The following SV2C variants were observed in gnomAD, a reference collection of about 807,000 sequenced individuals.
SV2C encodes solute carrier family 22 member B3.
SV2C carries 49 observed loss-of-function variants against 79.7 expected under a neutral mutation model. The observed-to-expected ratio is 0.61, with a 90% confidence interval of 0.49 to 0.78. The LOEUF is 0.78. Among genes scored for constraint, SV2C ranks in the 30% least tolerant of loss-of-function variants. The pLI, the probability that SV2C is intolerant of heterozygous loss-of-function variation, is 0.00. For missense variants in SV2C, 833 were observed against 912.9 expected (o/e 0.91, Z 1.13); for synonymous variants, 334 against 333.2 (o/e 1.00, Z -0.03).
chr5:76,063,784 CCA>C, the SV2C span, among the ~76,000 whole-genome samples: 2 of 152,114 alleles, frequency 1.3e-5, no homozygotes, highest in Non-Finnish European at 2.9e-5. Context: ...TAATTCAACA[CCA>C]CAGTTTTATA....
At chr5:76,335,917 G>A (rs1209339507), downstream of SV2C, among the ~76,000 whole-genome samples, 4 of 152,202 alleles carry the variant, frequency 2.6e-5, no homozygotes, top group African/African-American at 9.6e-5. Flanking sequence ...ATCATGGCCC[G>A]TTCTCAATGA....
the SV2C span, among the ~76,000 whole-genome samples, chr5:75,871,327 G>A: frequency 2.0e-5 from 3 of 152,168 alleles, no homozygotes; most frequent in South Asian, 2.1e-4. Flanking sequence ...AGAACAAGAC[G>A]TATAACCACT....
intron 2 of SV2C, among the ~76,000 whole-genome samples, chr5:76,180,212 C>G (rs750632372): frequency 3.9e-5 from 6 of 152,124 alleles, no homozygotes; most frequent in African/African-American, 9.7e-5. Context: ...TTGTTCTGTT[C>G]CTCTAAAATA....
At chr5:76,042,062 G>C in the SV2C span, among the ~76,000 whole-genome samples, 1 of 152,166 alleles carries the variant, frequency 6.6e-6, no homozygotes, top group Admixed American at 6.5e-5. Context: ...CGCCATTCAG[G>C]ACAGCCCTTG....
At chr5:76,188,132 G>A (rs528176428) in intron 2 of SV2C, among the ~76,000 whole-genome samples, 22 of 152,094 alleles carry the variant, frequency 1.4e-4, no homozygotes, top group South Asian at 8.3e-4. Flanking sequence ...ATGGTGGCAC[G>A]CACCTGTAGT....
the SV2C span, among the ~76,000 whole-genome samples, chr5:76,052,650 C>T: frequency 1.3e-5 from 2 of 152,202 alleles, no homozygotes; most frequent in Non-Finnish European, 2.9e-5. Flanking sequence ...GTGCCCAACA[C>T]ATCATGCTGC....
the SV2C span, among the ~76,000 whole-genome samples, chr5:75,878,232 T>A: frequency 2.0e-5 from 3 of 152,150 alleles, no homozygotes; most frequent in South Asian, 4.1e-4. Flanking sequence ...TTTCGTAGAG[T>A]GTTTCTTATG....
intron 12 of SV2C, among the ~76,000 whole-genome samples, chr5:76,320,637 T>C (rs934785123): frequency 4.6e-5 from 7 of 152,134 alleles, no homozygotes; most frequent in Non-Finnish European, 1.0e-4. Context: ...GGCATATCCA[T>C]GGAGGTGGGG....
chr5:76,262,604 G>T (rs899602993), intron 4 of SV2C, among the ~76,000 whole-genome samples: 7 of 152,194 alleles, frequency 4.6e-5, no homozygotes, highest in African/African-American at 1.7e-4. Flanking sequence ...TGCTTTAGCT[G>T]TGTTCCAGAG....
intron 3 of SV2C, among the ~76,000 whole-genome samples, chr5:76,207,928 T>A (rs973264613): frequency 2.0e-5 from 3 of 152,218 alleles, no homozygotes; most frequent in Non-Finnish European, 4.4e-5. Flanking sequence ...ATTGTATGAG[T>A]CTAATACGGT....
chr5:75,880,976 G>T, the SV2C span, among the ~76,000 whole-genome samples: 2 of 151,892 alleles, frequency 1.3e-5, no homozygotes, highest in African/African-American at 2.4e-5. Context: ...ATTCATGGCA[G>T]AAGGTGAAGG....
chr5:76,308,954 C>A (rs1433911799), intron 12 of SV2C, among the ~76,000 whole-genome samples: 1 of 152,002 alleles, frequency 6.6e-6, no homozygotes, highest in Admixed American at 6.6e-5. Flanking sequence ...TAAGCACAAG[C>A]AAACTTCAGT....
intron 4 of SV2C, among the ~76,000 whole-genome samples, chr5:76,237,612 G>A (rs776017750): frequency 2.4e-4 from 37 of 152,120 alleles, no homozygotes; most frequent in Non-Finnish European, 4.0e-4. Context: ...TTAAACAGAA[G>A]TAGGTTGCTG....
At chr5:76,155,145 C>T (rs1342423664) in intron 2 of SV2C, among the ~76,000 whole-genome samples, 1 of 152,172 alleles carries the variant, frequency 6.6e-6, no homozygotes, top group African/African-American at 2.4e-5. Context: ...TTCTATCTAG[C>T]CTTCTGTCTT....
chr5:76,195,127 G>T, intron 3 of SV2C, 28 bp downstream of exon 3: 1 of 1,603,990 alleles, frequency 6.2e-7, no homozygotes, highest in Non-Finnish European at 8.5e-7. Context: ...ATATTTTATA[G>T]TAATGTGTTT....
At chr5:75,986,006 T>C in the SV2C span, among the ~76,000 whole-genome samples, 2 of 151,250 alleles carry the variant, frequency 1.3e-5, no homozygotes, top group African/African-American at 4.8e-5. Context: ...CTCACTGTTT[T>C]TGAATTGATT....
chr5:76,004,166 G>T, the SV2C span, among the ~76,000 whole-genome samples: 3 of 152,136 alleles, frequency 2.0e-5, no homozygotes, highest in African/African-American at 7.2e-5. Context: ...AATTCCACCA[G>T]CCAGGTGGTC....
At position 76,131,647 on chromosome 5, in the gene SV2C, C is replaced by A; in HGVS notation, c.-101-3C>A. 1 of 808,524 alleles carries A rather than the reference C, an allele frequency of 1.2e-6. No individual in the cohort carries two copies. Among genetic ancestry groups the A allele is most frequent in the Non-Finnish European group, 1.9e-6 (1 of 528,796 alleles). 50.1% of individuals were successfully genotyped at this position (808,524 alleles called of 1,614,324 possible). A position where few individuals can be genotyped will look rare whatever the true frequency, so the allele number is the denominator to read the frequency against. Reference sequence around the variant, plus strand: ...AGTATCTCCTCTATTTCTTCTTTCGCAGTTCTGTTTTGAACCCAAAGTGGA... The same window carrying A: ...AGTATCTCCTCTATTTCTTCTTTCGAAGTTCTGTTTTGAACCCAAAGTGGA... On this transcript the variant is annotated splice_polypyrimidine_tract_variant and splice_region_variant and intron_variant, in intron 1 of 12. Coordinates refer to ENST00000502798, the MANE Select transcript of SV2C (RefSeq NM_014979.4).
chr5:76,300,999 CT>C, intron 11 of SV2C, 67 bp downstream of exon 11: 6 of 1,542,172 alleles, frequency 3.9e-6, no homozygotes, highest in Non-Finnish European at 5.3e-6. Flanking sequence ...CTGTTTCCCC[CT>C]GTACTCCCAT....
Sources: allele counts gnomAD v4.1 joint callset (sites outside exome capture counted in the v4.1 genomes callset), GRCh38; gene constraint gnomAD v4.1.1; transcripts MANE v1.5; gene names NCBI Gene and HGNC (gene_info 2026-07-23, HGNC 2026-07-21).